The following EPB41 variants were observed in gnomAD, a reference collection of about 807,000 sequenced individuals.
The protein encoded by EPB41 is erythrocyte membrane protein band 4.1, also known as protein 4.1.
A neutral mutation model predicts 108.0 loss-of-function variants in EPB41; 65 were observed. The ratio of observed to expected loss-of-function variants is 0.60; its 90% CI spans 0.49 to 0.74. EPB41 has a LOEUF of 0.74. Ranked by LOEUF, EPB41 falls within the 30% of genes least tolerant of loss-of-function variation. EPB41 has a pLI of 0.00. For synonymous variants in EPB41, 336 were observed against 358.9 expected (o/e 0.94, Z 0.72); for missense variants, 875 against 1,037.0 (o/e 0.84, Z 2.15).
chr1:28,897,143 C>A (rs1055278815), intron 1 of EPB41, among the ~76,000 whole-genome samples: 9 of 152,070 alleles, frequency 5.9e-5, no homozygotes, highest in Admixed American at 2.6e-4. Flanking sequence ...TTGTGGTGAC[C>A]CTGGTAGGTC....
chr1:28,970,148 A>G (rs1440831229), intron 1 of EPB41, among the ~76,000 whole-genome samples: 2 of 152,306 alleles, frequency 1.3e-5, no homozygotes, highest in Admixed American at 1.3e-4. Flanking sequence ...TGCCAGTATT[A>G]TATTTTCTGG....
At chr1:29,088,163 C>T (rs761343097) in intron 16 of EPB41, among the ~76,000 whole-genome samples, 15 of 151,782 alleles carry the variant, frequency 9.9e-5, no homozygotes, top group Admixed American at 1.3e-4. Flanking sequence ...TCTCCTTCCT[C>T]AGCCTCTTGA....
At chr1:29,037,691 C>T (rs1640023000) in intron 10 of EPB41, among the ~76,000 whole-genome samples, 1 of 151,894 alleles carries the variant, frequency 6.6e-6, no homozygotes, top group African/African-American at 2.4e-5. Context: ...TGCATACCAC[C>T]ATGCCCAGCT....
intron 1 of EPB41, among the ~76,000 whole-genome samples, chr1:28,896,825 C>CAGTG (rs55747231): frequency 0.72 from 108,683 of 151,518 alleles, 39,378 homozygotes; most frequent in East Asian, 0.91. Flanking sequence ...GGATAAGGAG[C>CAGTG]AGCGATGTGA....
chr1:29,109,961 G>A (rs1344705159), intron 18 of EPB41, among the ~76,000 whole-genome samples: 1 of 152,150 alleles, frequency 6.6e-6, no homozygotes, highest in African/African-American at 2.4e-5. Flanking sequence ...TTGAACCCAG[G>A]AAGCAGAGAT....
chr1:28,985,371 C>G (rs1438740834), intron 1 of EPB41, among the ~76,000 whole-genome samples: 1 of 151,832 alleles, frequency 6.6e-6, no homozygotes, highest in Non-Finnish European at 1.5e-5. Context: ...GAACTTTTAG[C>G]TGGAGAGAGG....
chr1:29,106,259 C>T (rs1374190439), intron 17 of EPB41, among the ~76,000 whole-genome samples: 6 of 151,968 alleles, frequency 3.9e-5, no homozygotes, highest in East Asian at 1.9e-4. Context: ...CTAGAGGGAG[C>T]GGGCAGGAGG....
intron 1 of EPB41, among the ~76,000 whole-genome samples, chr1:28,907,102 G>A (rs1191653921): frequency 6.8e-6 from 1 of 146,442 alleles, no homozygotes; most frequent in African/African-American, 2.5e-5. Context: ...TCTCACTCTT[G>A]TCACCCAGGC....
chr1:28,920,434 T>C (rs908531309), intron 1 of EPB41, among the ~76,000 whole-genome samples: 4 of 152,192 alleles, frequency 2.6e-5, no homozygotes, highest in African/African-American at 9.6e-5. Context: ...AGGCCCTCTA[T>C]ATGTTTGAAT....
At chr1:29,047,066 C>G (rs565517828) in intron 11 of EPB41, among the ~76,000 whole-genome samples, 2 of 152,104 alleles carry the variant, frequency 1.3e-5, no homozygotes, top group African/African-American at 4.8e-5. Flanking sequence ...TTGTTAAAGA[C>G]TGTTGTCATT....
chr1:29,013,427 T>C lies in EPB41; in HGVS notation c.829+1520T>C, dbSNP rs758275030. The stretch of plus-strand genomic sequence containing the variant: ...ACCATGTCCCTCACAAAAACTTTAA[T>C]AGAGAATCAAACTGTAAACATTTTT... On this transcript the variant is annotated intron_variant, in intron 5 of 20. Transcript: ENST00000343067. Among the ~76,000 whole-genome samples the C allele has an allele frequency of 1.2e-3, 182 of 152,090 alleles. 1 individual carries two copies. The highest frequency in any genetic ancestry group is 2.4e-3 in the Non-Finnish European group (164 of 68,004).
intron 1 of EPB41, among the ~76,000 whole-genome samples, chr1:28,965,820 C>G (rs951871901): frequency 6.6e-6 from 1 of 152,128 alleles, no homozygotes; most frequent in African/African-American, 2.4e-5. Context: ...TTAGCGTTTT[C>G]AAAGTTTTGT....
At chr1:28,960,096 T>G (rs1418522784) in intron 1 of EPB41, among the ~76,000 whole-genome samples, 1 of 150,690 alleles carries the variant, frequency 6.6e-6, no homozygotes, top group Non-Finnish European at 1.5e-5. Flanking sequence ...ACCTCCTGGC[T>G]CAAGTAGTTA....
At chr1:28,986,081 T>C (rs1476479398) in intron 1 of EPB41, among the ~76,000 whole-genome samples, 2 of 147,902 alleles carry the variant, frequency 1.4e-5, no homozygotes, top group African/African-American at 5.0e-5. Flanking sequence ...ATATGCGGTG[T>C]TTGGTTTTTT....
chr1:28,956,371 C>A (rs2094951188), intron 1 of EPB41, among the ~76,000 whole-genome samples: 1 of 152,166 alleles, frequency 6.6e-6, no homozygotes, highest in South Asian at 2.1e-4. Flanking sequence ...TGTTTTACAC[C>A]TCCAGCATAA....
intron 3 of EPB41, among the ~76,000 whole-genome samples, chr1:28,996,013 AT>A (rs1272238750): frequency 6.6e-6 from 1 of 152,202 alleles, no homozygotes; most frequent in Non-Finnish European, 1.5e-5. Flanking sequence ...AATGATTCTA[AT>A]TTTTTGAAGT....
intron 1 of EPB41, among the ~76,000 whole-genome samples, chr1:28,889,447 T>G (rs557167335): frequency 6.6e-6 from 1 of 152,222 alleles, no homozygotes; most frequent in African/African-American, 2.4e-5. Context: ...CTCCCTCCTG[T>G]AGGCTCCAGG....
At chr1:28,901,090 C>T (rs1002444386) in intron 1 of EPB41, among the ~76,000 whole-genome samples, 30 of 151,760 alleles carry the variant, frequency 2.0e-4, no homozygotes, top group Admixed American at 1.6e-3. Flanking sequence ...CCACCAAGCC[C>T]GGCTAATTTT....
intron 7 of EPB41, among the ~76,000 whole-genome samples, chr1:29,023,658 G>A (rs546996689): frequency 1.3e-5 from 2 of 151,926 alleles, no homozygotes; most frequent in South Asian, 4.1e-4. Flanking sequence ...TTGTACTCCA[G>A]CCTGGGCAAC....
Sources: gnomAD v4.1 joint callset for allele counts (sites outside exome capture counted in the v4.1 genomes callset) on GRCh38, gnomAD v4.1.1 for gene constraint, MANE v1.5 for transcripts, NCBI Gene and HGNC (gene_info 2026-07-23, HGNC 2026-07-21) for gene names.